Variants in DMD observed in about 807,000 individuals in gnomAD.
DMD encodes dystrophin.
In DMD, 63 loss-of-function variants were observed where a neutral mutation model predicts 330.1. The ratio of observed to expected loss-of-function variants is 0.19; its 90% CI spans 0.16 to 0.24. DMD has a LOEUF of 0.24. DMD is among the 10% of genes least tolerant of loss of function. The probability of loss-of-function intolerance (pLI) is 1.00; values close to 1 mark genes in which losing one functional copy is unlikely to be tolerated. For missense variants in DMD, 3,344 were observed against 2,684.1 expected, an observed-to-expected ratio of 1.25 and a Z score of -5.43; for synonymous variants, 1,223 against 959.8, an observed-to-expected ratio of 1.27 and a Z score of -5.07.
At chrX:32,028,443 A>C (rs1490785121) in intron 44 of DMD, among the ~76,000 whole-genome samples, 1 of 111,069 alleles carries the variant, frequency 9.0e-6, no homozygotes, top group African/African-American at 3.3e-5. Flanking sequence ...GTCCAGGAAA[A>C]ATCCAACTTT....
chrX:32,195,551 G>T (rs2147645481), intron 44 of DMD, among the ~76,000 whole-genome samples: 1 of 112,360 alleles, frequency 8.9e-6, no homozygotes, highest in Admixed American at 9.4e-5. Flanking sequence ...TATATTTATT[G>T]ATTTCTATTT....
intron 1 of DMD, among the ~76,000 whole-genome samples, chrX:33,217,379 TA>T (rs2052076495): frequency 8.9e-6 from 1 of 112,003 alleles, no homozygotes; most frequent in Admixed American, 9.5e-5. Flanking sequence ...GAAGAATTGA[TA>T]TATTTACTAT....
intron 44 of DMD, among the ~76,000 whole-genome samples, chrX:32,065,960 A>T (rs1456090754): frequency 9.0e-6 from 1 of 111,235 alleles, no homozygotes; most frequent in Non-Finnish European, 1.9e-5. Context: ...CAGGAAAAAA[A>T]ATCTCAACAG....
At chrX:32,377,884 G>A (rs561475699) in intron 34 of DMD, among the ~76,000 whole-genome samples, 14 of 110,820 alleles carry the variant, frequency 1.3e-4, no homozygotes, top group African/African-American at 4.2e-4. Context: ...GAAAACAATT[G>A]CTAGACTACT....
At chrX:32,332,794 T>C (rs908170633) in intron 41 of DMD, among the ~76,000 whole-genome samples, 4 of 111,419 alleles carry the variant, frequency 3.6e-5, no homozygotes, top group African/African-American at 1.3e-4. Flanking sequence ...TCAAATGTTG[T>C]CCCTGTGTAT....
intron 62 of DMD, among the ~76,000 whole-genome samples, chrX:31,316,469 T>G (rs1176662176): frequency 9.0e-6 from 1 of 111,691 alleles, no homozygotes; most frequent in African/African-American, 3.3e-5. Flanking sequence ...ACAAATCAGC[T>G]TATGAAACTA....
At chrX:32,785,886 T>TA (rs1355185953) in intron 7 of DMD, among the ~76,000 whole-genome samples, 1 of 111,463 alleles carries the variant, frequency 9.0e-6, no homozygotes, top group African/African-American at 3.3e-5. Context: ...AAAACCTAGT[T>TA]ACTTCACCAG....
intron 1 of DMD, among the ~76,000 whole-genome samples, chrX:33,210,401 A>G (rs767036121): frequency 1.8e-5 from 2 of 111,188 alleles, no homozygotes; most frequent in East Asian, 5.7e-4. Flanking sequence ...TCCTTATCAT[A>G]TATTATTTTT....
intron 59 of DMD, among the ~76,000 whole-genome samples, chrX:31,451,104 T>G (rs1403798414): frequency 4.6e-5 from 5 of 108,722 alleles, no homozygotes; most frequent in Admixed American, 2.0e-4. Context: ...TTTTGTTTTT[T>G]TTTTTTTTTC....
At chrX:31,779,833 C>G (rs12687829) in intron 50 of DMD, among the ~76,000 whole-genome samples, 28,291 of 109,874 alleles carry the variant, frequency 0.26, 2,760 homozygotes, top group African/African-American at 0.31. Context: ...TAAAATGACT[C>G]TACTAAAATT....
At chrX:31,558,095 A>G (rs148044063) in intron 55 of DMD, among the ~76,000 whole-genome samples, 1 of 112,382 alleles carries the variant, frequency 8.9e-6, no homozygotes, top group African/African-American at 3.2e-5. Context: ...GAAGATAACA[A>G]AGTGTCATGT....
chrX:33,045,765 T>A (rs2094372522), intron 1 of DMD, among the ~76,000 whole-genome samples: 1 of 111,241 alleles, frequency 9.0e-6, no homozygotes, highest in Non-Finnish European at 1.9e-5. Flanking sequence ...CTGGAGCTGC[T>A]GAAAAATAGT....
intron 63 of DMD, among the ~76,000 whole-genome samples, chrX:31,260,292 T>C (rs2050382397): frequency 8.9e-6 from 1 of 111,932 alleles, no homozygotes; most frequent in South Asian, 3.8e-4. Flanking sequence ...TTTCAGAATA[T>C]TCCTTGTAGA....
intron 1 of DMD, among the ~76,000 whole-genome samples, chrX:33,280,447 T>G: frequency 8.9e-6 from 1 of 112,044 alleles, no homozygotes; most frequent in Admixed American, 9.5e-5. Flanking sequence ...GTTTTACAGT[T>G]TAAGTTCTTC....
intron 67 of DMD, among the ~76,000 whole-genome samples, chrX:31,200,658 G>T (rs1157007599): frequency 9.0e-6 from 1 of 111,485 alleles, no homozygotes; most frequent in Non-Finnish European, 1.9e-5. Flanking sequence ...TTAAATAGAG[G>T]AATTAGGATT....
At chrX:32,192,395 C>G (rs1022575965) in intron 44 of DMD, among the ~76,000 whole-genome samples, 1 of 111,706 alleles carries the variant, frequency 9.0e-6, no homozygotes, top group Non-Finnish European at 1.9e-5. Flanking sequence ...CTAACCACAT[C>G]TCTCAGCATT....
At chrX:32,797,121 T>G (rs182027289) in intron 7 of DMD, among the ~76,000 whole-genome samples, 118 of 111,503 alleles carry the variant, frequency 1.1e-3, no homozygotes, top group African/African-American at 3.8e-3. Flanking sequence ...TCTTTTTTTG[T>G]TTGTTTTTGT....
At chrX:32,511,521 C>CGG (rs752103288) in intron 18 of DMD, among the ~76,000 whole-genome samples, 617 of 57,024 alleles carry the variant, frequency 0.011, 21 homozygotes, top group African/African-American at 0.025. Flanking sequence ...GGCTCCGTCT[C>CGG]GGGAAAAAAA....
chrX:31,881,550 T>C (rs1033406354), intron 47 of DMD, among the ~76,000 whole-genome samples: 1 of 112,125 alleles, frequency 8.9e-6, no homozygotes, highest in African/African-American at 3.2e-5. Context: ...CAGAGCAACT[T>C]TGAGTCCTGC....
Sources: gnomAD v4.1 joint callset for allele counts (sites outside exome capture counted in the v4.1 genomes callset) on GRCh38, gnomAD v4.1.1 for gene constraint, MANE v1.5 for transcripts, NCBI Gene and HGNC (gene_info 2026-07-23, HGNC 2026-07-21) for gene names.